Variants in EEFSEC observed in about 807,000 individuals in gnomAD.
The protein encoded by EEFSEC is eukaryotic elongation factor, selenocysteine-tRNA specific.
In EEFSEC, 43 loss-of-function variants were observed where a neutral mutation model predicts 42.1. The observed-to-expected ratio is 1.02, with a 90% confidence interval of 0.80 to 1.32. The LOEUF (loss-of-function observed/expected upper bound fraction) is 1.32, where lower values mean the gene tolerates loss of function less well. EEFSEC is among the 40% of genes most tolerant of loss of function. The pLI is 0.00. For synonymous variants in EEFSEC, 354 were observed against 339.1 expected (o/e 1.04, Z -0.48); for missense variants, 745 against 803.6 (o/e 0.93, Z 0.88).
chr3:128,352,793 A>G (rs2067404508), intron 5 of EEFSEC, among the ~76,000 whole-genome samples: 1 of 152,250 alleles, frequency 6.6e-6, no homozygotes, highest in Non-Finnish European at 1.5e-5. Flanking sequence ...TTAAACCTCC[A>G]GCAACTCTGT....
intron 4 of EEFSEC, among the ~76,000 whole-genome samples, chr3:128,334,834 C>T (rs373669034): frequency 4.6e-5 from 7 of 152,198 alleles, no homozygotes; most frequent in East Asian, 1.9e-4. Flanking sequence ...GCTCAGGGGA[C>T]GGACCTCCCA....
chr3:128,345,118 A>AAGTGG (rs2067297752), intron 5 of EEFSEC, among the ~76,000 whole-genome samples: 2 of 152,216 alleles, frequency 1.3e-5, no homozygotes, highest in Non-Finnish European at 2.9e-5. Context: ...GCAGACCATG[A>AAGTGG]GACTTCCATG....
At chr3:128,162,466 A>G (rs1454409506) in intron 1 of EEFSEC, among the ~76,000 whole-genome samples, 1 of 152,142 alleles carries the variant, frequency 6.6e-6, no homozygotes, top group Non-Finnish European at 1.5e-5. Context: ...ATCTCCCCAT[A>G]CACTGGAGTG....
downstream of EEFSEC, among the ~76,000 whole-genome samples, chr3:128,409,214 G>A (rs1465669758): frequency 6.6e-6 from 1 of 152,232 alleles, no homozygotes; most frequent in Non-Finnish European, 1.5e-5. Flanking sequence ...ATGTTCAAAC[G>A]TTCCTTTATT....
In EEFSEC at chr3:128,408,380, C is replaced by T. The variant is rs2068147782; in HGVS notation, c.*121C>T. ...TCCCTGCAGTCCTGCAGCAGCAGCCCCCACCCCCAAGCTTGGTGCTGAGCC... is the reference window on the plus strand; with the variant it reads ...TCCCTGCAGTCCTGCAGCAGCAGCCTCCACCCCCAAGCTTGGTGCTGAGCC... On this transcript the variant is annotated 3_prime_UTR_variant, in exon 7 of 7. Coordinates refer to ENST00000254730, the MANE Select transcript of EEFSEC (RefSeq NM_021937.5). 3 of 1,120,292 alleles carry T rather than the reference C, an allele frequency of 2.7e-6. No individual in the cohort carries two copies. The South Asian group carries it at 5.0e-5, about 19-fold the overall frequency. The allele number at this position is 1,120,292 out of a possible 1,614,324, so 69.4% of individuals were successfully genotyped here. A position where few individuals can be genotyped will look rare whatever the true frequency, so the allele number is the denominator to read the frequency against.
intron 4 of EEFSEC, among the ~76,000 whole-genome samples, chr3:128,333,934 T>A (rs184932934): frequency 6.6e-6 from 1 of 151,678 alleles, no homozygotes; most frequent in Admixed American, 6.6e-5. Context: ...CAGAAGGGGG[T>A]GTTCATTTGT....
chr3:128,178,315 A>T (rs1294721564), intron 1 of EEFSEC, among the ~76,000 whole-genome samples: 1 of 152,226 alleles, frequency 6.6e-6, no homozygotes, highest in Non-Finnish European at 1.5e-5. Context: ...TAGCATATAA[A>T]GTGAAACTGG....
At chr3:128,377,960 G>A (rs1159372936) in intron 6 of EEFSEC, among the ~76,000 whole-genome samples, 2 of 152,174 alleles carry the variant, frequency 1.3e-5, no homozygotes, top group Non-Finnish European at 2.9e-5. Flanking sequence ...TTGATAACTA[G>A]TAAAGTCAAC....
intron 4 of EEFSEC, among the ~76,000 whole-genome samples, chr3:128,320,620 T>G (rs1356360110): frequency 6.6e-6 from 1 of 152,188 alleles, no homozygotes; most frequent in African/African-American, 2.4e-5. Flanking sequence ...AAAGGTTGCT[T>G]GCCATCAATT....
chr3:128,233,330 T>A (rs1559879478), intron 1 of EEFSEC, among the ~76,000 whole-genome samples: 1 of 152,230 alleles, frequency 6.6e-6, no homozygotes, highest in Non-Finnish European at 1.5e-5. Context: ...ATTTGAATTT[T>A]AAAAAATGAT....
At chr3:128,225,745 A>G (rs557479938) in intron 1 of EEFSEC, among the ~76,000 whole-genome samples, 65 of 152,200 alleles carry the variant, frequency 4.3e-4, no homozygotes, top group Admixed American at 1.2e-3. Flanking sequence ...TCTGGTCTGG[A>G]TGGTTAGGCA....
In EEFSEC at chr3:128,300,852, T is replaced by C. The variant is rs563149820; in HGVS notation, c.786+36071T>C. 2.2e-3 allele frequency among the ~76,000 whole-genome samples: 331 copies of C among 152,316 alleles called. 3 individuals carry two copies. The highest frequency in any genetic ancestry group is 7.2e-3 in the African/African-American group (298 of 41,582). The stretch of plus-strand genomic sequence containing the variant: ...GATAATTCCTGTGCATGTATAAGCA[T>C]AAATAGATACTTAGTGTTTTTTAAA... On this transcript the variant is annotated intron_variant, in intron 4 of 6. Coordinates refer to ENST00000254730, the MANE Select transcript of EEFSEC (RefSeq NM_021937.5).
At chr3:128,221,298 C>T (rs2065858966) in intron 1 of EEFSEC, among the ~76,000 whole-genome samples, 1 of 152,150 alleles carries the variant, frequency 6.6e-6, no homozygotes, top group Non-Finnish European at 1.5e-5. Context: ...AAATTCTCAG[C>T]AGGGAATATG....
intron 4 of EEFSEC, among the ~76,000 whole-genome samples, chr3:128,318,151 G>T (rs796268793): frequency 4.6e-5 from 7 of 152,376 alleles, no homozygotes; most frequent in African/African-American, 1.7e-4. Flanking sequence ...TGGTGAGACT[G>T]CATGAAGCTT....
intron 4 of EEFSEC, chr3:128,336,839 C>G (rs899841186): frequency 6.6e-6 from 1 of 152,212 alleles, no homozygotes; most frequent in East Asian, 1.9e-4. Flanking sequence ...CTCTAGAAGA[C>G]AGCAGACTTT....
At chr3:128,170,159 C>G (rs2065280771) in intron 1 of EEFSEC, among the ~76,000 whole-genome samples, 1 of 152,136 alleles carries the variant, frequency 6.6e-6, no homozygotes, top group East Asian at 1.9e-4. Flanking sequence ...CCCGCCTGGC[C>G]CGAGGTTCCT....
intron 4 of EEFSEC, among the ~76,000 whole-genome samples, chr3:128,338,808 G>A (rs559830901): frequency 6.6e-6 from 1 of 152,200 alleles, no homozygotes; most frequent in South Asian, 2.1e-4. Context: ...GCGGTGGAGG[G>A]GGTACCAGGA....
intron 6 of EEFSEC, among the ~76,000 whole-genome samples, chr3:128,405,166 G>A (rs145677684): frequency 0.018 from 2,762 of 152,142 alleles, 44 homozygotes; most frequent in Middle Eastern, 0.041. Flanking sequence ...ATAGGTGCCC[G>A]CCACCACGCC....
chr3:128,394,371 G>C (rs921043109), intron 6 of EEFSEC, among the ~76,000 whole-genome samples: 1 of 152,172 alleles, frequency 6.6e-6, no homozygotes, highest in Non-Finnish European at 1.5e-5. Context: ...CAGTAATCAG[G>C]GTGCTACATA....
Sources: allele counts gnomAD v4.1 joint callset (sites outside exome capture counted in the v4.1 genomes callset), GRCh38; gene constraint gnomAD v4.1.1; transcripts MANE v1.5; gene names NCBI Gene and HGNC (gene_info 2026-07-23, HGNC 2026-07-21).